Variants in COP1 observed in about 807,000 individuals in gnomAD.
COP1 encodes the protein E3 ubiquitin-protein ligase COP1.
A neutral mutation model predicts 101.3 loss-of-function variants in COP1; 24 were observed. The observed-to-expected ratio is 0.24, with a 90% CI of 0.17 to 0.33. COP1 has a LOEUF of 0.33. Among genes scored for constraint, COP1 ranks in the 10% least tolerant of loss-of-function variants. The probability of loss-of-function intolerance (pLI) is 1.00; values close to 1 mark genes in which losing one functional copy is unlikely to be tolerated. For synonymous variants in COP1, 347 were observed against 341.9 expected, an observed-to-expected ratio of 1.01 and a Z score of -0.17; for missense variants, 663 against 906.2, an observed-to-expected ratio of 0.73 and a Z score of 3.45.
chr1:176,030,510 T>C (rs1251790587), intron 14 of COP1, among the ~76,000 whole-genome samples: 3 of 152,182 alleles, frequency 2.0e-5, no homozygotes, highest in Non-Finnish European at 4.4e-5. Flanking sequence ...ACTGACAGAA[T>C]GACAGTTAAG....
At chr1:176,121,036 T>C in intron 8 of COP1, among the ~76,000 whole-genome samples, 1 of 151,890 alleles carries the variant, frequency 6.6e-6, no homozygotes, top group South Asian at 2.1e-4. Context: ...AAAATTAGAC[T>C]ATTATCATTG....
At chr1:176,112,986 T>A (rs1342736293) in intron 9 of COP1, among the ~76,000 whole-genome samples, 2 of 152,226 alleles carry the variant, frequency 1.3e-5, no homozygotes, top group Non-Finnish European at 2.9e-5. Context: ...TTAGGTTGAT[T>A]CCAAATATTG....
chr1:175,971,267 C>T (rs190196520), intron 18 of COP1, among the ~76,000 whole-genome samples: 1 of 152,140 alleles, frequency 6.6e-6, no homozygotes, highest in Non-Finnish European at 1.5e-5. Flanking sequence ...CAAAAACTCA[C>T]TGCCTGATTT....
chr1:176,058,754 T>TAAAAAA (rs1171809329), intron 11 of COP1, among the ~76,000 whole-genome samples: 2 of 88,352 alleles, frequency 2.3e-5, no homozygotes, highest in Non-Finnish European at 2.5e-5. Context: ...GAATGATCAA[T>TAAAAAA]AAAAAAAAAA....
chr1:176,174,912 C>T (rs1220903752), intron 3 of COP1, among the ~76,000 whole-genome samples: 1 of 152,130 alleles, frequency 6.6e-6, no homozygotes, highest in Non-Finnish European at 1.5e-5. Context: ...CCTAAAATAT[C>T]TTAGGGTAGT....
At chr1:175,982,431 T>C (rs1264617519) in intron 18 of COP1, 1 of 456,406 alleles carries the variant, frequency 2.2e-6, no homozygotes, top group Admixed American at 2.3e-5. Flanking sequence ...TTCTTTCTCC[T>C]CCTTCTCAGC....
At chr1:176,115,767 T>TA (rs1686088315) in intron 9 of COP1, among the ~76,000 whole-genome samples, 1 of 151,658 alleles carries the variant, frequency 6.6e-6, no homozygotes, top group Non-Finnish European at 1.5e-5. Flanking sequence ...AAATAAAATA[T>TA]AAAAATAAAA....
intron 15 of COP1, among the ~76,000 whole-genome samples, chr1:176,022,113 A>G (rs1446532377): frequency 1.3e-5 from 2 of 152,198 alleles, no homozygotes; most frequent in East Asian, 3.8e-4. Flanking sequence ...TTTTCATTCT[A>G]ATTTATTCCT....
intron 5 of COP1, among the ~76,000 whole-genome samples, chr1:176,158,222 T>G (rs1377264603): frequency 6.6e-6 from 1 of 152,188 alleles, no homozygotes; most frequent in African/African-American, 2.4e-5. Flanking sequence ...AGCAGACTTT[T>G]CATCTGAAAC....
chr1:176,131,552 G>A (rs1688899030), intron 8 of COP1, among the ~76,000 whole-genome samples: 1 of 151,690 alleles, frequency 6.6e-6, no homozygotes, highest in African/African-American at 2.4e-5. Context: ...CTTTTGTAAA[G>A]TAAGCCTGCT....
At position 176,005,723 on chromosome 1, in the gene COP1, G is replaced by T. The variant is rs554333039; in HGVS notation, c.1730-16244C>A. Among the ~76,000 whole-genome samples, 42 of 142,394 alleles carry T rather than the reference G, an allele frequency of 2.9e-4. No homozygotes were observed. The East Asian group carries it at 7.9e-3, about 27-fold the overall frequency. 93.4% of individuals were successfully genotyped at this position (142,394 alleles called of 152,430 possible). ...TGCACTGTGGTATGAGAGATAGTTT[G>T]TTATAATCTCTGTTCTTTTACATTT... On this transcript the variant is annotated intron_variant, in intron 15 of 19. Transcript: ENST00000367669.
rs145034438 is a variant in COP1, at chr1:176,028,836, C to T, written c.1613-1148G>A. On this transcript the variant is annotated intron_variant, in intron 14 of 19. Transcript: ENST00000367669. ...TGGCACAATCATGCCTCACTTCAGGCAGCCTCTACCTCCTAGGCTCAGGTG... is the reference window on the plus strand; with the variant it reads ...TGGCACAATCATGCCTCACTTCAGGTAGCCTCTACCTCCTAGGCTCAGGTG... Among the ~76,000 whole-genome samples the T allele has an allele frequency of 7.7e-3, 1,167 of 151,056 alleles. 12 individuals are homozygous for T. Among genetic ancestry groups the T allele is most frequent in the African/African-American group, 0.027 (1,101 of 41,194 alleles).
intron 5 of COP1, among the ~76,000 whole-genome samples, chr1:176,155,659 G>C (rs776499529): frequency 6.6e-6 from 1 of 151,942 alleles, no homozygotes; most frequent in Non-Finnish European, 1.5e-5. Flanking sequence ...AGATCCTCTT[G>C]TTGCATGAAA....
At chr1:176,006,234 A>G (rs958641632) in intron 15 of COP1, among the ~76,000 whole-genome samples, 5 of 152,072 alleles carry the variant, frequency 3.3e-5, no homozygotes, top group African/African-American at 9.6e-5. Flanking sequence ...TTTTGAGCCT[A>G]TGTGTGTCTC....
chr1:176,090,936 G>A lies in COP1; in HGVS notation c.1027-5046C>T, dbSNP rs143391677. Among the ~76,000 whole-genome samples, 398 of 152,248 alleles carry A rather than the reference G, an allele frequency of 2.6e-3. 3 individuals carry two copies. Among genetic ancestry groups the A allele is most frequent in the African/African-American group, 9.2e-3 (381 of 41,570 alleles). ...TGAGATAATTAAAAAGAAACCCACA[G>A]TTAGACACACTAAGGTGAAACTGTG... On this transcript the variant is annotated intron_variant, in intron 9 of 19. Coordinates refer to ENST00000367669, the MANE Select transcript of COP1 (RefSeq NM_022457.7).
Position 176,027,622 on chromosome 1 carries a change from C to T in COP1, c.1679G>A (p.Cys560Tyr). 1 of 1,613,920 alleles carries T rather than the reference C, an allele frequency of 6.2e-7. No individual in the cohort carries two copies. The highest frequency in any genetic ancestry group is 2.2e-5 in the East Asian group (1 of 44,866). ...ASIEAKANVC[C>Y]VKFSPSSRYH... ...TCTGGAAGAGGGGCTGAATTTAACA[C>T]AGCACACATTAGCCTTTGCCTCAAT... The change falls in exon 15 of 20, where the codon TGT (cysteine) becomes TAT (tyrosine). Residue 560 changes from cysteine (C) to tyrosine (Y), a missense_variant. Around this residue, in one of 4 missense-constraint regions of COP1, gnomAD observed 209 missense variants for 383.3 expected, o/e 0.55. Coordinates refer to ENST00000367669, the MANE Select transcript of COP1 (RefSeq NM_022457.7).
chr1:175,958,907 G>A (rs1214931720), intron 18 of COP1, among the ~76,000 whole-genome samples: 2 of 151,892 alleles, frequency 1.3e-5, no homozygotes, highest in South Asian at 2.1e-4. Context: ...AAATAATTTC[G>A]TATTACACAA....
Position 176,064,267 on chromosome 1 carries a change from T to A in COP1, c.1277+16885A>T, listed in dbSNP as rs955537755. On this transcript the variant is annotated intron_variant, in intron 11 of 19. Coordinates refer to ENST00000367669, the MANE Select transcript of COP1 (RefSeq NM_022457.7). Reference sequence around the variant, plus strand: ...AAAAAACTGAAAAATTGCCAAAAAATTTGTCATATTTCATTTACATAAATA... The same window carrying A: ...AAAAAACTGAAAAATTGCCAAAAAAATTGTCATATTTCATTTACATAAATA... 7.9e-5 allele frequency among the ~76,000 whole-genome samples: 12 copies of A among 152,278 alleles called. No homozygotes were observed. In the East Asian group the frequency reaches 2.3e-3, roughly 29 times the overall value.
chr1:175,950,000 C>T (rs543647583), intron 18 of COP1, among the ~76,000 whole-genome samples: 2 of 152,206 alleles, frequency 1.3e-5, no homozygotes, highest in South Asian at 4.1e-4. Context: ...ATAAGATAAT[C>T]TAGTTGGATT....
Sources: allele counts gnomAD v4.1 joint callset (sites outside exome capture counted in the v4.1 genomes callset), GRCh38; gene constraint gnomAD v4.1.1; regional missense constraint gnomAD v4.1.1; transcripts MANE v1.5; gene names NCBI Gene and HGNC (gene_info 2026-07-23, HGNC 2026-07-21).